PRIM2: variants seen among roughly 807,000 people sequenced by gnomAD.
The protein encoded by PRIM2 is DNA primase large subunit.
PRIM2 carries 39 observed loss-of-function variants against 67.3 expected under a neutral mutation model. The ratio of observed to expected loss-of-function variants is 0.58; its 90% CI spans 0.45 to 0.76. The LOEUF is 0.76. Ranked by LOEUF, PRIM2 falls within the 30% of genes least tolerant of loss-of-function variation. The pLI, the probability that PRIM2 is intolerant of heterozygous loss-of-function variation, is 0.00. For missense variants in PRIM2, 398 were observed against 598.7 expected, an observed-to-expected ratio of 0.66 and a Z score of 3.50; for synonymous variants, 143 against 198.7, an observed-to-expected ratio of 0.72 and a Z score of 2.36.
intron 7 of PRIM2, among the ~76,000 whole-genome samples, chr6:57,433,223 T>C (rs1284751890): frequency 6.6e-6 from 1 of 152,054 alleles, no homozygotes; most frequent in African/African-American, 2.4e-5. Flanking sequence ...ATATAAACCT[T>C]TGTTCTATTT....
At chr6:57,578,892 G>C (rs1219100127) in intron 10 of PRIM2, among the ~76,000 whole-genome samples, 1 of 151,464 alleles carries the variant, frequency 6.6e-6, no homozygotes, top group Non-Finnish European at 1.5e-5. Context: ...TAGCCAGGAT[G>C]GTCTCGATCT....
chr6:57,422,158 C>CTTTTTTTTTTTTTTTTT (rs575958629), intron 7 of PRIM2, among the ~76,000 whole-genome samples: 3,082 of 103,020 alleles, frequency 0.03, 208 homozygotes, highest in Non-Finnish European at 0.037. Context: ...TCTTTTCTTT[C>CTTTTTTTTTTTTTTTTT]TTTTTTTTTT....
intron 7 of PRIM2, among the ~76,000 whole-genome samples, chr6:57,452,379 A>G (rs1772586112): frequency 1.3e-5 from 2 of 152,144 alleles, no homozygotes; most frequent in Non-Finnish European, 2.9e-5. Flanking sequence ...ACAATGGTTG[A>G]ACTAGTTTAC....
At chr6:57,247,980 G>C in the PRIM2 span, among the ~76,000 whole-genome samples, 2 of 152,156 alleles carry the variant, frequency 1.3e-5, no homozygotes, top group East Asian at 3.9e-4. Flanking sequence ...TTCAATGTTT[G>C]CTTTAGAATT....
chr6:57,479,443 T>G lies in PRIM2; in HGVS notation c.694-27944T>G, dbSNP rs1309216030. On this transcript the variant is annotated intron_variant, in intron 7 of 13. Coordinates refer to ENST00000615550, the MANE Select transcript of PRIM2 (RefSeq NM_000947.5). ...GGTACACTGCTTTTATTCATAGCCC[T>G]TTTATGATTCATCTTGTTTTTCAGG... is the stretch of plus-strand genomic sequence containing the variant. Among the ~76,000 whole-genome samples, 18 of 152,298 alleles carry G rather than the reference T, an allele frequency of 1.2e-4. No individual in the cohort carries two copies. The South Asian group carries it at 3.7e-3, about 32-fold the overall frequency.
At chr6:57,643,697 T>A (rs1410568109) in intron 13 of PRIM2, among the ~76,000 whole-genome samples, 8,190 of 152,284 alleles carry the variant, frequency 0.054, 317 homozygotes, top group Non-Finnish European at 0.083. Flanking sequence ...AGTTCACAAA[T>A]GATTCCATTG....
chr6:57,619,951 C>G (rs1161234167), intron 12 of PRIM2, among the ~76,000 whole-genome samples: 1 of 152,142 alleles, frequency 6.6e-6, no homozygotes, highest in Non-Finnish European at 1.5e-5. Flanking sequence ...AATCCCAGCA[C>G]TTTGGGAGGC....
intron 7 of PRIM2, among the ~76,000 whole-genome samples, chr6:57,409,520 G>T (rs1771013908): frequency 6.6e-6 from 1 of 152,080 alleles, no homozygotes; most frequent in African/African-American, 2.4e-5. Flanking sequence ...CAATAAATAT[G>T]TTTAAAGTAT....
the PRIM2 span, among the ~76,000 whole-genome samples, chr6:57,245,306 G>T: frequency 1.3e-5 from 2 of 152,120 alleles, no homozygotes; most frequent in Non-Finnish European, 2.9e-5. Context: ...AGATAAAATT[G>T]TTAATTATTC....
chr6:57,602,093 CT>C (rs1582014259), intron 11 of PRIM2, among the ~76,000 whole-genome samples: 2 of 139,960 alleles, frequency 1.4e-5, no homozygotes, highest in East Asian at 4.2e-4. Context: ...GAGTTTCATT[CT>C]TGTTGCCCAG....
At chr6:57,619,646 T>G (rs1353456427) in intron 12 of PRIM2, among the ~76,000 whole-genome samples, 5 of 151,990 alleles carry the variant, frequency 3.3e-5, no homozygotes, top group African/African-American at 1.2e-4. Flanking sequence ...AGCAATAGAA[T>G]TGAACAAGTA....
chr6:57,539,285 C>G (rs1319466642), intron 10 of PRIM2, among the ~76,000 whole-genome samples: 5 of 152,116 alleles, frequency 3.3e-5, no homozygotes, highest in African/African-American at 1.2e-4. Flanking sequence ...GCCTTTTACT[C>G]TAGTCTACAG....
At chr6:57,236,567 C>T in the PRIM2 span, among the ~76,000 whole-genome samples, 1 of 151,996 alleles carries the variant, frequency 6.6e-6, no homozygotes, top group Non-Finnish European at 1.5e-5. Context: ...CCTCCCCTCT[C>T]CCCCCACCCC....
At chr6:57,273,882 T>C in the PRIM2 span, among the ~76,000 whole-genome samples, 7 of 152,238 alleles carry the variant, frequency 4.6e-5, no homozygotes, top group African/African-American at 1.7e-4. Flanking sequence ...TGGCGTTTGC[T>C]AGAGGTCCAC....
At chr6:57,555,304 G>T (rs1159850036) in intron 10 of PRIM2, among the ~76,000 whole-genome samples, 1 of 152,068 alleles carries the variant, frequency 6.6e-6, no homozygotes, top group Non-Finnish European at 1.5e-5. Flanking sequence ...ATTTGAGACA[G>T]AGTCTTGCTC....
At chr6:57,276,565 T>C in the PRIM2 span, among the ~76,000 whole-genome samples, 18 of 151,940 alleles carry the variant, frequency 1.2e-4, no homozygotes, top group African/African-American at 4.1e-4. Context: ...AAGACATATA[T>C]AGGAGCTTCA....
chr6:57,308,217 G>A, the PRIM2 span, among the ~76,000 whole-genome samples: 14,786 of 151,510 alleles, frequency 0.098, 809 homozygotes, highest in African/African-American at 0.14. Flanking sequence ...CAGCCTCCCA[G>A]CCTCAGGTGA....
chr6:57,270,505 T>C, the PRIM2 span, among the ~76,000 whole-genome samples: 2 of 152,216 alleles, frequency 1.3e-5, no homozygotes, highest in Non-Finnish European at 2.9e-5. Context: ...TGAAGTTGCT[T>C]ATCAGCTTAA....
At chr6:57,403,384 G>C (rs1402202176) in intron 7 of PRIM2, among the ~76,000 whole-genome samples, 1 of 150,816 alleles carries the variant, frequency 6.6e-6, no homozygotes, top group South Asian at 2.1e-4. Context: ...AGCCTCCCTA[G>C]TAGCTGGGAC....
Sources: allele counts gnomAD v4.1 joint callset (sites outside exome capture counted in the v4.1 genomes callset), GRCh38; gene constraint gnomAD v4.1.1; transcripts MANE v1.5; gene names NCBI Gene and HGNC (gene_info 2026-07-23, HGNC 2026-07-21).